Variants in ST7 observed in about 807,000 individuals in gnomAD.
ST7 encodes the protein suppression of tumorigenicity 7, also known as suppressor of tumorigenicity 7 protein.
In ST7, 28 loss-of-function variants were observed where a neutral mutation model predicts 78.7. That is an observed-to-expected ratio of 0.36 (90% CI 0.26 to 0.49). ST7 has a LOEUF of 0.49. Ranked by LOEUF, ST7 falls within the 20% of genes least tolerant of loss-of-function variation. ST7 has a pLI of 0.99. For synonymous variants in ST7, 247 were observed against 249.6 expected (o/e 0.99, Z 0.10); for missense variants, 418 against 696.0 (o/e 0.60, Z 4.49).
intron 8 of ST7, among the ~76,000 whole-genome samples, 169 bp from the exon 9 acceptor site, chr7:117,138,266 A>G (rs1804959708): frequency 6.6e-6 from 1 of 152,112 alleles, no homozygotes; most frequent in Non-Finnish European, 1.5e-5. Flanking sequence ...TTAGGTAATT[A>G]GTCAGATGAT....
intron 1 of ST7, among the ~76,000 whole-genome samples, chr7:116,998,589 A>G (rs1327892583): frequency 6.6e-6 from 1 of 152,262 alleles, no homozygotes; most frequent in Non-Finnish European, 1.5e-5. Flanking sequence ...GTAAGGAAAC[A>G]GTTAACTTTG....
At chr7:117,009,654 G>C (rs1441039066) in intron 1 of ST7, among the ~76,000 whole-genome samples, 1 of 151,984 alleles carries the variant, frequency 6.6e-6, no homozygotes, top group Non-Finnish European at 1.5e-5. Context: ...TCTCATGACT[G>C]CTAATTATAC....
intron 10 of ST7, among the ~76,000 whole-genome samples, chr7:117,171,894 T>C (rs1244587437): frequency 1.3e-5 from 2 of 152,088 alleles, no homozygotes; most frequent in Non-Finnish European, 2.9e-5. Flanking sequence ...AAAGTGCATT[T>C]AAAGAATTAT....
chr7:117,110,212 GGAAATAT>G (rs1404518579), intron 2 of ST7, among the ~76,000 whole-genome samples: 1 of 152,056 alleles, frequency 6.6e-6, no homozygotes, highest in East Asian at 1.9e-4. Flanking sequence ...AAAACATCTT[GGAAATAT>G]TTTTAAGTAA....
chr7:116,954,892 G>T, intron 1 of ST7: 3 of 299,668 alleles, frequency 1.0e-5, no homozygotes, highest in South Asian at 2.9e-5. Flanking sequence ...ATTTTGTTAG[G>T]AAACTTGTAC....
intron 1 of ST7, among the ~76,000 whole-genome samples, chr7:117,075,582 C>T (rs1473186052): frequency 6.6e-6 from 1 of 152,190 alleles, no homozygotes; most frequent in Non-Finnish European, 1.5e-5. Context: ...TTGCTCTCCT[C>T]CACATTGTAC....
intron 9 of ST7, among the ~76,000 whole-genome samples, chr7:117,166,305 T>A (rs187807241): frequency 6.6e-6 from 1 of 152,264 alleles, no homozygotes; most frequent in East Asian, 1.9e-4. Flanking sequence ...TCTAGTGTAA[T>A]ATTGTATGCC....
intron 1 of ST7, among the ~76,000 whole-genome samples, chr7:116,992,538 G>C (rs2116392417): frequency 6.6e-6 from 1 of 152,302 alleles, no homozygotes; most frequent in African/African-American, 2.4e-5. Flanking sequence ...ACACAGCACG[G>C]GACCCTGGCC....
At chr7:117,100,673 A>G (rs1331323207) in intron 2 of ST7, among the ~76,000 whole-genome samples, 1 of 152,102 alleles carries the variant, frequency 6.6e-6, no homozygotes, top group Non-Finnish European at 1.5e-5. Context: ...AAAATGCAAA[A>G]AAGCAATATG....
intron 15 of ST7, among the ~76,000 whole-genome samples, chr7:117,224,480 G>T (rs1260701349): frequency 2.0e-5 from 3 of 152,160 alleles, no homozygotes; most frequent in Non-Finnish European, 4.4e-5. Context: ...ACTCTGAGTA[G>T]AGTGTGACTT....
chr7:117,046,299 G>A (rs991716741), intron 1 of ST7, among the ~76,000 whole-genome samples: 1 of 152,080 alleles, frequency 6.6e-6, no homozygotes, highest in Admixed American at 6.5e-5. Context: ...TCGTTTTTCT[G>A]TCTCCTCTGG....
chr7:117,093,195 A>G (rs1800763941), intron 1 of ST7, among the ~76,000 whole-genome samples: 1 of 152,208 alleles, frequency 6.6e-6, no homozygotes, highest in African/African-American at 2.4e-5. Context: ...GGACCCTTCT[A>G]TGAAATGATT....
At chr7:117,002,651 G>GTGTGTT (rs1045558786) in intron 1 of ST7, among the ~76,000 whole-genome samples, 1 of 149,448 alleles carries the variant, frequency 6.7e-6, no homozygotes, top group Non-Finnish European at 1.5e-5. Flanking sequence ...GTGTGTGTGT[G>GTGTGTT]TGTGTGTGTG....
At chr7:117,180,122 G>A (rs1808636794) in intron 10 of ST7, among the ~76,000 whole-genome samples, 1 of 152,168 alleles carries the variant, frequency 6.6e-6, no homozygotes, top group African/African-American at 2.4e-5. Context: ...TATTTCATTT[G>A]CTTCCGGGTA....
intron 1 of ST7, among the ~76,000 whole-genome samples, chr7:117,096,324 G>A (rs1801039385): frequency 6.6e-6 from 1 of 151,980 alleles, no homozygotes; most frequent in African/African-American, 2.4e-5. Flanking sequence ...CCCTTCTCAG[G>A]GTGGCTTTCT....
At chr7:117,178,252 G>T (rs1358156676) in intron 10 of ST7, among the ~76,000 whole-genome samples, 1 of 152,124 alleles carries the variant, frequency 6.6e-6, no homozygotes, top group Non-Finnish European at 1.5e-5. Flanking sequence ...GAACTTTTAG[G>T]TGCTTTAGAT....
At chr7:117,172,202 C>G (rs757510068) in intron 10 of ST7, among the ~76,000 whole-genome samples, 1 of 152,142 alleles carries the variant, frequency 6.6e-6, no homozygotes. Context: ...ACCTTGGCCC[C>G]GCAAGGCACT....
At chr7:117,071,593 C>A (rs1293763280) in intron 1 of ST7, among the ~76,000 whole-genome samples, 1 of 152,204 alleles carries the variant, frequency 6.6e-6, no homozygotes, top group Non-Finnish European at 1.5e-5. Context: ...CCTTCCGAAC[C>A]TTTTCCATAT....
chr7:117,161,113 T>A (rs28599954), intron 9 of ST7, among the ~76,000 whole-genome samples: 5,580 of 150,770 alleles, frequency 0.037, 263 homozygotes, highest in African/African-American at 0.12. Flanking sequence ...TTTTTTTTTT[T>A]AAATGCCAAC....
Sources: gnomAD v4.1 joint callset for allele counts (sites outside exome capture counted in the v4.1 genomes callset) on GRCh38, gnomAD v4.1.1 for gene constraint, MANE v1.5 for transcripts, NCBI Gene and HGNC (gene_info 2026-07-23, HGNC 2026-07-21) for gene names.